The following CCNY variants were observed in gnomAD, a reference collection of about 807,000 sequenced individuals.
CCNY encodes cyclin Y.
In CCNY, 19 loss-of-function variants were observed where a neutral mutation model predicts 42.8. The observed-to-expected ratio is 0.44, with a 90% CI of 0.31 to 0.65. The LOEUF (loss-of-function observed/expected upper bound fraction) is 0.65, where lower values mean the gene tolerates loss of function less well. CCNY is among the 30% of genes least tolerant of loss of function. CCNY has a pLI of 0.07. For missense variants in CCNY, 370 were observed against 437.3 expected (o/e 0.85, Z 1.37); for synonymous variants, 165 against 162.7 (o/e 1.01, Z -0.11).
chr10:35,498,356 A>G (rs1840042792), intron 2 of CCNY, among the ~76,000 whole-genome samples: 1 of 152,208 alleles, frequency 6.6e-6, no homozygotes, highest in Admixed American at 6.5e-5. Context: ...CAGTTAGGAA[A>G]TGATGGGAAG....
chr10:35,435,697 G>T (rs968208219), intron 1 of CCNY, among the ~76,000 whole-genome samples: 1 of 152,190 alleles, frequency 6.6e-6, no homozygotes, highest in Non-Finnish European at 1.5e-5. Flanking sequence ...CACAGACCTT[G>T]CGAGCTGTTG....
chr10:35,561,893 A>C (rs1367343488), intron 8 of CCNY, among the ~76,000 whole-genome samples: 1 of 152,164 alleles, frequency 6.6e-6, no homozygotes, highest in Non-Finnish European at 1.5e-5. Flanking sequence ...GGCCATGTGG[A>C]TAGTCACCAG....
intron 2 of CCNY, among the ~76,000 whole-genome samples, chr10:35,490,476 T>C (rs1589155684): frequency 6.6e-6 from 1 of 152,076 alleles, no homozygotes; most frequent in African/African-American, 2.4e-5. Context: ...CGCAGGGGAG[T>C]GCACACCTAG....
chr10:35,516,437 T>C (rs1840426997), intron 3 of CCNY, 86 bp from the exon 4 acceptor site: 6 of 858,438 alleles, frequency 7.0e-6, no homozygotes, highest in South Asian at 2.7e-5. Context: ...TCTGTGGTCT[T>C]ATCTCAAGTT....
chr10:35,254,721 G>A (rs954761457), intron 3 of CCNY, among the ~76,000 whole-genome samples: 39 of 151,392 alleles, frequency 2.6e-4, no homozygotes, highest in African/African-American at 8.5e-4. Flanking sequence ...CCAGCTACTC[G>A]GGAGGTTGAT....
chr10:35,568,525 G>A (rs1039136526), intron 9 of CCNY, among the ~76,000 whole-genome samples: 12 of 152,224 alleles, frequency 7.9e-5, no homozygotes, highest in Admixed American at 3.9e-4. Context: ...TCCCTCTTTC[G>A]GCAACCCTCT....
chr10:35,406,099 T>TAAGAAAGAGAAATGATCA (rs1564398772), intron 1 of CCNY, among the ~76,000 whole-genome samples: 1 of 152,072 alleles, frequency 6.6e-6, no homozygotes, highest in African/African-American at 2.4e-5. Context: ...GCCATTACTC[T>TAAGAAAGAGAAATGATCA]ATTACTGTAC....
chr10:35,449,492 G>A (rs569397872), intron 1 of CCNY, among the ~76,000 whole-genome samples: 5 of 152,254 alleles, frequency 3.3e-5, no homozygotes, highest in Admixed American at 6.5e-5. Context: ...ACTGGAGCAC[G>A]CAGGAGCCTG....
chr10:35,313,427 C>A lies in CCNY; in HGVS notation c.-9+62801C>A, dbSNP rs998952176. On this transcript the variant is annotated intron_variant, in intron 3 of 11. Coordinates refer to the CCNY transcript ENST00000374706. ...GATACTTACAGATTCCTTCAGGTCT[C>A]TTTGCGCATGTAACTGTCACTTCCC... Among the ~76,000 whole-genome samples, 3 of 152,216 alleles carry A rather than the reference C, an allele frequency of 2.0e-5. No homozygotes were observed. The South Asian group carries it at 6.2e-4, about 31-fold the overall frequency.
intron 1 of CCNY, among the ~76,000 whole-genome samples, chr10:35,370,443 G>C (rs949817034): frequency 6.6e-6 from 1 of 151,784 alleles, no homozygotes; most frequent in African/African-American, 2.4e-5. Flanking sequence ...GAGCCACCGC[G>C]CCCGGCCGTT....
At chr10:35,262,673 A>G (rs1471991793) in intron 3 of CCNY, among the ~76,000 whole-genome samples, 2 of 152,078 alleles carry the variant, frequency 1.3e-5, no homozygotes, top group Non-Finnish European at 2.9e-5. Context: ...GCATGAGTCA[A>G]TTATAAACTA....
At chr10:35,422,254 T>C (rs1242795477) in intron 1 of CCNY, among the ~76,000 whole-genome samples, 4 of 152,206 alleles carry the variant, frequency 2.6e-5, no homozygotes, top group African/African-American at 9.7e-5. Context: ...ACCTCAGCTG[T>C]CTGGAATCTT....
intron 3 of CCNY, among the ~76,000 whole-genome samples, chr10:35,300,515 G>C (rs1835521377): frequency 6.6e-6 from 1 of 152,112 alleles, no homozygotes; most frequent in Non-Finnish European, 1.5e-5. Context: ...GGCAAGTCCA[G>C]TACCAGTTAC....
At position 35,525,989 on chromosome 10, in the gene CCNY, A is replaced by G; in HGVS notation, c.391A>G (p.Ile131Val). The change falls in exon 5 of 10, where the codon ATC becomes GTC. Residue 131 changes from isoleucine to valine, a missense_variant. Transcript: ENST00000374704. ...KCVALAIYYH[I>V]KNRDPDGRML... ...TGTCGCTCTTGCAATATATTATCAC[A>G]TCAAAAACAGGTATGTGGATGGTTG... 1 of 1,611,318 alleles carries G rather than the reference A, an allele frequency of 6.2e-7. No individual in the cohort carries two copies. Among genetic ancestry groups the G allele is most frequent in the Middle Eastern group, 1.7e-4 (1 of 6,042 alleles).
intron 7 of CCNY, among the ~76,000 whole-genome samples, chr10:35,537,674 T>G (rs1840913467): frequency 6.6e-6 from 1 of 152,210 alleles, no homozygotes; most frequent in Non-Finnish European, 1.5e-5. Context: ...TTCTTTGTTT[T>G]GGCCAATTTT....
chr10:35,391,657 T>C (rs1001478894), intron 1 of CCNY, among the ~76,000 whole-genome samples: 2 of 152,168 alleles, frequency 1.3e-5, no homozygotes, highest in African/African-American at 4.8e-5. Flanking sequence ...GTTTTTAGTC[T>C]TCTCATCTTT....
At chr10:35,343,195 G>A (rs1356563812) in intron 1 of CCNY, among the ~76,000 whole-genome samples, 1 of 151,394 alleles carries the variant, frequency 6.6e-6, no homozygotes, top group East Asian at 1.9e-4. Flanking sequence ...GTAGAGATGG[G>A]GTTTCACCAT....
chr10:35,561,283 AAGTCTC>A (rs1841461404), intron 8 of CCNY, among the ~76,000 whole-genome samples: 2 of 152,058 alleles, frequency 1.3e-5, no homozygotes, highest in South Asian at 4.1e-4. Context: ...TGGGCAGGAG[AAGTCTC>A]AGATATCCTG....
At chr10:35,452,000 T>C (rs1838929036) in intron 1 of CCNY, among the ~76,000 whole-genome samples, 1 of 152,234 alleles carries the variant, frequency 6.6e-6, no homozygotes, top group African/African-American at 2.4e-5. Context: ...TGACACTTTT[T>C]TTTTATTCTT....
Sources: gnomAD v4.1 joint callset for allele counts (sites outside exome capture counted in the v4.1 genomes callset) on GRCh38, gnomAD v4.1.1 for gene constraint, MANE v1.5 for transcripts, NCBI Gene and HGNC (gene_info 2026-07-23, HGNC 2026-07-21) for gene names.